ACSM2B: variants seen among roughly 807,000 people sequenced by gnomAD.
ACSM2B encodes acyl-CoA synthetase medium chain family member 2B.
Under a neutral mutation model 78.6 loss-of-function variants are expected in ACSM2B, and 58 were observed. The ratio of observed to expected loss-of-function variants is 0.74; its 90% CI spans 0.60 to 0.92. The LOEUF is 0.92. ACSM2B is among the 40% of genes least tolerant of loss of function. ACSM2B has a pLI of 0.00. For synonymous variants in ACSM2B, 257 were observed against 256.8 expected, an observed-to-expected ratio of 1.00 and a Z score of -0.01; for missense variants, 688 against 711.2, an observed-to-expected ratio of 0.97 and a Z score of 0.37.
chr16:20,566,247 TTATATATATATATATATATATA>T (rs200052689), intron 1 of ACSM2B, among the ~76,000 whole-genome samples: 891 of 69,968 alleles, frequency 0.013, 29 homozygotes, highest in African/African-American at 0.046. Flanking sequence ...TCATGGAAGA[TTATATATATATATATATATATA>T]TATATATATA....
chr16:20,548,254 G>T (rs1342097111), intron 7 of ACSM2B, 69 bp from the exon 8 acceptor site: 13 of 1,610,542 alleles, frequency 8.1e-6, no homozygotes, highest in South Asian at 2.2e-5. Context: ...CCTAGACTTG[G>T]TTTCTGGGTG....
intron 2 of ACSM2B, among the ~76,000 whole-genome samples, chr16:20,562,483 T>G (rs1200052657): frequency 6.6e-6 from 1 of 152,198 alleles, no homozygotes; most frequent in Non-Finnish European, 1.5e-5. Context: ...ATAGAGTTGT[T>G]AAAACTTTGT....
chr16:20,545,472 G>A (rs1596708176), intron 9 of ACSM2B, among the ~76,000 whole-genome samples: 1 of 152,112 alleles, frequency 6.6e-6, no homozygotes, highest in East Asian at 1.9e-4. Context: ...ATTGAGACTG[G>A]CCCAGATGAG....
intron 2 of ACSM2B, 63 bp downstream of exon 2, chr16:20,564,606 A>G (rs1247630213): frequency 1.3e-6 from 2 of 1,552,100 alleles, no homozygotes; most frequent in Non-Finnish European, 1.7e-6. Flanking sequence ...TTACTGAATT[A>G]ATGGATGAAT....
At chr16:20,552,368 T>C (rs1329683356) in intron 5 of ACSM2B, 71 bp from the exon 6 acceptor site, 8 of 1,538,462 alleles carry the variant, frequency 5.2e-6, no homozygotes, top group Non-Finnish European at 7.0e-6. Flanking sequence ...CACTAAGGTG[T>C]AGGGGAGGAA....
In ACSM2B at chr16:20,559,279, C is replaced by T. The variant is rs1567213999; in HGVS notation, c.346G>A (p.Val116Met). The change falls in exon 3 of 14, where the codon GTG (valine) becomes ATG (methionine). Residue 116 changes from valine (V) to methionine (M), a missense_variant. Physicochemically the swap from Val to Met is conservative, Grantham distance 21. Coordinates refer to ENST00000329697, the MANE Select transcript of ACSM2B (RefSeq NM_001105069.2). ...GDRVAVMLPR[V>M]PEWWLVILGC... ...AGGATCACCAGCCACCACTCAGGCA[C>T]TCGGGGCAGCATCACTGCCACACGA... The T allele has an allele frequency of 3.7e-6, 6 of 1,613,688 alleles. No homozygotes were observed. The highest frequency in any genetic ancestry group is 5.1e-6 in the Non-Finnish European group (6 of 1,179,744).
intron 6 of ACSM2B, among the ~76,000 whole-genome samples, chr16:20,551,748 A>G (rs1766116957): frequency 6.6e-6 from 1 of 152,124 alleles, no homozygotes; most frequent in Admixed American, 6.5e-5. Flanking sequence ...ATAAAAAAGG[A>G]AATGAAATGT....
intron 10 of ACSM2B, 48 bp downstream of exon 10, chr16:20,545,109 G>A (rs975074515): frequency 7.6e-6 from 12 of 1,578,404 alleles, no homozygotes; most frequent in Non-Finnish European, 1.0e-5. Context: ...CCCGTTTAGT[G>A]CTCCCATCCT....
intron 1 of ACSM2B, among the ~76,000 whole-genome samples, chr16:20,567,056 T>G (rs1046788641): frequency 7.4e-6 from 1 of 134,778 alleles, no homozygotes; most frequent in Admixed American, 9.0e-5. Context: ...GAACAAGACA[T>G]GAATGCTCAC....
chr16:20,543,278 A>G lies in ACSM2B; in HGVS notation c.1282-16T>C, dbSNP rs568506317. ...CGGGATTTTCCTGGTGACCACAGAA[A>G]GACAGAGTCATTGTGCCTGCAAAGC... On this transcript the variant is annotated splice_polypyrimidine_tract_variant and intron_variant, in intron 10 of 13. Transcript: ENST00000329697. 7.8e-5 allele frequency: 126 copies of G among 1,612,258 alleles called. No homozygotes were observed. In the South Asian group the frequency reaches 1.3e-3, roughly 17 times the overall value.
rs1391958992 is a variant in ACSM2B at position 20,548,582 on chromosome 16, A to C, written c.895-109T>G. 4 of 1,582,662 alleles carry C rather than the reference A, an allele frequency of 2.5e-6. No homozygotes were observed. The South Asian group carries it at 3.5e-5, about 14-fold the overall frequency. The stretch of plus-strand genomic sequence containing the variant: ...TATGGAGTTGTAGAGGTCTGGATGA[A>C]AACCCTAGCTTGTTTACTATGTCTG... On this transcript the variant is annotated intron_variant, in intron 6 of 13. Coordinates refer to ENST00000329697, the MANE Select transcript of ACSM2B (RefSeq NM_001105069.2).
intron 10 of ACSM2B, among the ~76,000 whole-genome samples, chr16:20,543,658 T>C (rs1379498867): frequency 1.3e-5 from 2 of 152,200 alleles, no homozygotes; most frequent in African/African-American, 4.8e-5. Flanking sequence ...TTTGTAAATT[T>C]GAAAGTTCTA....
intron 1 of ACSM2B, among the ~76,000 whole-genome samples, chr16:20,566,700 A>ATATATAGTATATATATAC (rs1348333544): frequency 7.5e-4 from 5 of 6,706 alleles, no homozygotes; most frequent in Admixed American, 3.4e-3. Flanking sequence ...TATATATAGT[A>ATATATAGTATATATATAC]TATATATAGT....
intron 4 of ACSM2B, 68 bp from the exon 5 acceptor site, chr16:20,553,988 T>G (rs1461398451): frequency 8.7e-6 from 14 of 1,604,510 alleles, no homozygotes; most frequent in Non-Finnish European, 1.2e-5. Flanking sequence ...GTGACCCATC[T>G]TTTCCCACCA....
At position 20,548,063 on chromosome 16, in the gene ACSM2B, G is replaced by A. The variant is rs372593813; in HGVS notation, c.1097C>T (p.Thr366Met). ...DIREFYGQTE[T>M]GLTCMVSKTM... ...CATGGTTCCCCTGGGAACAGGTACC[G>A]TTTCTGTCTGGCCATAGAATTCTCG... The change falls in exon 8 of 14, where the codon ACG (threonine) becomes ATG (methionine). Residue 366 changes from threonine to methionine, a missense_variant and splice_region_variant. Physicochemically the swap from Thr to Met is moderately conservative, Grantham distance 81. Coordinates refer to ENST00000329697, the MANE Select transcript of ACSM2B (RefSeq NM_001105069.2). 20 of 1,613,858 alleles carry A rather than the reference G, an allele frequency of 1.2e-5. No homozygotes were observed. The highest frequency in any genetic ancestry group is 1.7e-5 in the Admixed American group (1 of 60,000).
rs1480314662 is a variant in ACSM2B, at chr16:20,555,453, T to A, written c.412A>T (p.Ile138Phe). The A allele has an allele frequency of 3.1e-6, 5 of 1,613,438 alleles. No individual in the cohort carries two copies. In the African/African-American group the frequency reaches 6.7e-5, roughly 22 times the overall value. Residue 138 changes from isoleucine (I) to phenylalanine (F), a missense_variant, in exon 4 of 14, where the codon ATC becomes TTC. Ile to Phe is a conservative substitution (Grantham distance 21). Coordinates refer to ENST00000329697, the MANE Select transcript of ACSM2B (RefSeq NM_001105069.2). ...RAGLIFMPGT[I>F]QMKSTDILYR... is the part of the protein sequence containing the mutation. Reference sequence around the variant, plus strand: ...AGTATGTCAGTGGATTTCATCTGGATGGTTCCAGGCATAAAGATGAGACCT... The same window carrying A: ...AGTATGTCAGTGGATTTCATCTGGAAGGTTCCAGGCATAAAGATGAGACCT...
In ACSM2B at chr16:20,555,444, T is replaced by C; in HGVS notation, c.421A>G (p.Lys141Glu). 6.2e-7 allele frequency: 1 copy of C among 1,613,632 alleles called. No homozygotes were observed. Among genetic ancestry groups the C allele is most frequent in the Non-Finnish European group, 8.5e-7 (1 of 1,179,596 alleles). Reference protein sequence around the residue: ...LIFMPGTIQMKSTDILYRLQM... With the variant: ...LIFMPGTIQMESTDILYRLQM... ...AACCTATACAGTATGTCAGTGGATTTCATCTGGATGGTTCCAGGCATAAAG... is the reference window on the plus strand; with the variant it reads ...AACCTATACAGTATGTCAGTGGATTCCATCTGGATGGTTCCAGGCATAAAG... Residue 141 changes from lysine (K) to glutamate (E), a missense_variant, in exon 4 of 14, where the codon AAA (lysine) becomes GAA (glutamate). Coordinates refer to ENST00000329697, the MANE Select transcript of ACSM2B (RefSeq NM_001105069.2).
At chr16:20,566,931 C>A in intron 1 of ACSM2B, among the ~76,000 whole-genome samples, 1 of 114,130 alleles carries the variant, frequency 8.8e-6, no homozygotes, top group African/African-American at 3.3e-5. Context: ...TATATCTGTA[C>A]ATACCATACT....
At chr16:20,554,702 A>G (rs1174228338) in intron 4 of ACSM2B, among the ~76,000 whole-genome samples, 2 of 152,216 alleles carry the variant, frequency 1.3e-5, no homozygotes, top group African/African-American at 4.8e-5. Context: ...GGTGGGAAGA[A>G]GAGCCTAGAA....
Sources: gnomAD v4.1 joint callset for allele counts (sites outside exome capture counted in the v4.1 genomes callset) on GRCh38, gnomAD v4.1.1 for gene constraint, MANE v1.5 for transcripts, NCBI Gene and HGNC (gene_info 2026-07-23, HGNC 2026-07-21) for gene names.